SCN8A: variants seen among roughly 807,000 people sequenced by gnomAD.
SCN8A encodes sodium channel protein type 8 subunit alpha.
SCN8A carries 30 observed loss-of-function variants against 184.1 expected under a neutral mutation model. The observed-to-expected ratio is 0.16, with a 90% CI of 0.12 to 0.22. SCN8A has a LOEUF of 0.22. Among genes scored for constraint, SCN8A ranks in the 10% least tolerant of loss-of-function variants. SCN8A has a pLI of 1.00. For missense variants in SCN8A, 1,057 were observed against 2,498.9 expected (o/e 0.42, Z 12.30); for synonymous variants, 852 against 907.0 (o/e 0.94, Z 1.09).
chr12:51,770,072 C>T, intron 18 of SCN8A, 87 bp downstream of exon 18: 2 of 874,798 alleles, frequency 2.3e-6, no homozygotes, highest in Non-Finnish European at 1.8e-6. Flanking sequence ...GGGTGAGGGG[C>T]AGCTCAGTGG....
chr12:51,676,293 A>G (rs1192722250), intron 2 of SCN8A, among the ~76,000 whole-genome samples: 1 of 152,172 alleles, frequency 6.6e-6, no homozygotes. Context: ...TATAACCTAT[A>G]TTGTAATTTT....
rs143774470 is a variant in SCN8A at position 51,687,690 on chromosome 12, A to G, written c.614+471A>G. Reference sequence around the variant, plus strand: ...CATTTTAGAGTCAAAACATGAGCCAAGGTACCCACACTGGCACTTCCTGAA... The same window carrying G: ...CATTTTAGAGTCAAAACATGAGCCAGGGTACCCACACTGGCACTTCCTGAA... On this transcript the variant is annotated intron_variant, in intron 5 of 26. Transcript: ENST00000627620. 9.2e-5 allele frequency among the ~76,000 whole-genome samples: 14 copies of G among 152,356 alleles called. No individual in the cohort carries two copies. The East Asian group carries it at 2.7e-3, about 29-fold the overall frequency.
chr12:51,779,483 C>T lies in SCN8A; in HGVS notation c.3820-1166C>T, dbSNP rs925496406. ...AAGCCTGGAGGTCTGCAGGCTTCTT[C>T]CCCCTGGTACGGCAACATATTCAAC... is the stretch of plus-strand genomic sequence containing the variant. On this transcript the variant is annotated intron_variant, in intron 20 of 26. Coordinates refer to ENST00000627620, the MANE Select transcript of SCN8A (RefSeq NM_001330260.2). 9.9e-5 allele frequency among the ~76,000 whole-genome samples: 15 copies of T among 152,178 alleles called. 1 individual carries two copies. Among genetic ancestry groups the T allele is most frequent in the Non-Finnish European group, 1.9e-4 (13 of 68,038 alleles).
At chr12:51,649,918 T>A (rs967987539) in intron 1 of SCN8A, among the ~76,000 whole-genome samples, 14 of 152,182 alleles carry the variant, frequency 9.2e-5, no homozygotes, top group African/African-American at 3.1e-4. Flanking sequence ...GCTGCAAATT[T>A]TCCAAATTTT....
At chr12:51,604,477 T>TTTTG (rs376804300) in intron 1 of SCN8A, among the ~76,000 whole-genome samples, 30 of 152,174 alleles carry the variant, frequency 2.0e-4, no homozygotes, top group Admixed American at 3.3e-4. Context: ...CCCCAGGTTT[T>TTTTG]TTTGTTTGTT....
rs75536270 is a variant in SCN8A, at chr12:51,668,560, A to G, written c.276+5467A>G. Among the ~76,000 whole-genome samples the G allele has an allele frequency of 5.9e-3, 903 of 152,232 alleles. 5 individuals are homozygous for G. Among genetic ancestry groups the G allele is most frequent in the African/African-American group, 0.02 (832 of 41,534 alleles). On this transcript the variant is annotated intron_variant, in intron 2 of 26. Transcript: ENST00000627620. ...AGAAAAATAAGCTCCATTTTCATTTATTCCTTAAAAATCCCTGTGGTTTTT... is the reference window on the plus strand; with the variant it reads ...AGAAAAATAAGCTCCATTTTCATTTGTTCCTTAAAAATCCCTGTGGTTTTT...
At position 51,770,243 on chromosome 12, in the gene SCN8A, G is replaced by A. The variant is rs303807; in HGVS notation, c.3490+258G>A. The A allele has an allele frequency of 0.86, 503,857 of 589,294 alleles. 216,691 individuals are homozygous for A. Among genetic ancestry groups the A allele is most frequent in the East Asian group, 0.98 (34,616 of 35,210 alleles). The allele number at this position is 589,294 out of a possible 1,614,324, so 36.5% of individuals were successfully genotyped here. On this transcript the variant is annotated intron_variant, in intron 18 of 26. Coordinates refer to ENST00000627620, the MANE Select transcript of SCN8A (RefSeq NM_001330260.2). ...CCAAAAATTTCCATTAGAATGTCCT[G>A]TTCTGTCATGGCTGTGCCTGCCTCC... is the stretch of plus-strand genomic sequence containing the variant.
intron 1 of SCN8A, among the ~76,000 whole-genome samples, chr12:51,621,715 A>G (rs968732886): frequency 3.3e-5 from 5 of 152,210 alleles, no homozygotes; most frequent in Non-Finnish European, 5.9e-5. Context: ...AGCCACAGCT[A>G]CAGGCCTCTT....
intron 1 of SCN8A, among the ~76,000 whole-genome samples, chr12:51,626,636 G>A (rs1009437996): frequency 1.3e-5 from 2 of 152,080 alleles, no homozygotes; most frequent in African/African-American, 4.8e-5. Context: ...TAATCAAACA[G>A]ATGGAAAATT....
rs562706109 is a variant in SCN8A at position 51,616,689 on chromosome 12, A to G, written c.-55+25330A>G. On this transcript the variant is annotated intron_variant, in intron 1 of 26. Coordinates refer to ENST00000627620, the MANE Select transcript of SCN8A (RefSeq NM_001330260.2). ...CATCTCCGCACTTTGGGAGGCTGAC[A>G]TGGGAGGACTGCCTGAGCCCAGGAG... Among the ~76,000 whole-genome samples the G allele has an allele frequency of 3.9e-5, 6 of 152,180 alleles. No individual in the cohort carries two copies. The South Asian group carries it at 1.2e-3, about 32-fold the overall frequency.
chr12:51,794,709 A>G (rs1402927614), intron 26 of SCN8A, 68 bp downstream of exon 26: 2 of 1,485,970 alleles, frequency 1.3e-6, no homozygotes, highest in African/African-American at 2.7e-5. Flanking sequence ...GAGATTTCCC[A>G]GGAGAGGAAT....
chr12:51,784,835 G>A (rs1238001834), intron 21 of SCN8A, among the ~76,000 whole-genome samples: 1 of 152,150 alleles, frequency 6.6e-6, no homozygotes, highest in African/African-American at 2.4e-5. Flanking sequence ...GGTTAGACTG[G>A]GTTTGAGTAG....
intron 2 of SCN8A, among the ~76,000 whole-genome samples, chr12:51,672,263 T>C (rs1941145785): frequency 6.6e-6 from 1 of 152,148 alleles, no homozygotes; most frequent in Non-Finnish European, 1.5e-5. Context: ...TCCTCCATCC[T>C]TGAAGCCTGA....
chr12:51,709,051 TAA>T (rs1175543541), intron 11 of SCN8A, among the ~76,000 whole-genome samples: 1 of 152,164 alleles, frequency 6.6e-6, no homozygotes, highest in African/African-American at 2.4e-5. Context: ...GGAGATTCAG[TAA>T]AGATTTTCTG....
At chr12:51,596,622 C>CA (rs1169241116) in intron 1 of SCN8A, among the ~76,000 whole-genome samples, 1 of 151,994 alleles carries the variant, frequency 6.6e-6, no homozygotes, top group Non-Finnish European at 1.5e-5. Flanking sequence ...AGAGGGAGGG[C>CA]AAAAGTGCCT....
chr12:51,647,948 A>G, intron 1 of SCN8A, among the ~76,000 whole-genome samples: 1 of 152,190 alleles, frequency 6.6e-6, no homozygotes, highest in East Asian at 1.9e-4. Flanking sequence ...GAGTCTAGCT[A>G]TAGTTCTGTA....
chr12:51,678,030 G>T (rs977613556), intron 2 of SCN8A, among the ~76,000 whole-genome samples: 1 of 152,212 alleles, frequency 6.6e-6, no homozygotes, highest in African/African-American at 2.4e-5. Context: ...GAAGGATCTG[G>T]CGTTAGAGCG....
At chr12:51,774,131 T>C in intron 19 of SCN8A, 58 bp from the exon 20 acceptor site, 1 of 1,543,622 alleles carries the variant, frequency 6.5e-7, no homozygotes. Context: ...ATAGCAGTGC[T>C]CCCTGTGGCC....
chr12:51,651,948 C>T (rs1592356269), intron 1 of SCN8A, among the ~76,000 whole-genome samples: 1 of 152,174 alleles, frequency 6.6e-6, no homozygotes, highest in Non-Finnish European at 1.5e-5. Flanking sequence ...TCACTTGAAA[C>T]AGGTGCTTAG....
Sources: gnomAD v4.1 joint callset for allele counts (sites outside exome capture counted in the v4.1 genomes callset) on GRCh38, gnomAD v4.1.1 for gene constraint, MANE v1.5 for transcripts, NCBI Gene and HGNC (gene_info 2026-07-23, HGNC 2026-07-21) for gene names.